The following FAM193A variants were observed in gnomAD, a reference collection of about 807,000 sequenced individuals.
FAM193A encodes the protein family with sequence similarity 193 member A, also known as protein FAM193A.
A neutral mutation model predicts 126.5 loss-of-function variants in FAM193A; 22 were observed. That is an observed-to-expected ratio of 0.17 (90% CI 0.12 to 0.25). The LOEUF (loss-of-function observed/expected upper bound fraction) is 0.25, where lower values mean the gene tolerates loss of function less well. FAM193A is among the 10% of genes least tolerant of loss of function. The pLI, the probability that FAM193A is intolerant of heterozygous loss-of-function variation, is 1.00. For missense variants in FAM193A, 1,675 were observed against 1,672.8 expected, an observed-to-expected ratio of 1.00 and a Z score of -0.02; for synonymous variants, 761 against 646.8, an observed-to-expected ratio of 1.18 and a Z score of -2.68.
chr4:2,717,902 C>A (rs766857785), intron 20 of FAM193A, among the ~76,000 whole-genome samples: 6 of 152,030 alleles, frequency 3.9e-5, no homozygotes, highest in Admixed American at 1.3e-4. Flanking sequence ...GATCCACCCC[C>A]CCTTGGCCTC....
At chr4:2,545,155 G>A (rs1371295301) in intron 1 of FAM193A, among the ~76,000 whole-genome samples, 1 of 152,130 alleles carries the variant, frequency 6.6e-6, no homozygotes, top group East Asian at 1.9e-4. Flanking sequence ...GCCATGCCCA[G>A]CTAATTTTCG....
chr4:2,665,122 C>T (rs879601564), intron 12 of FAM193A, among the ~76,000 whole-genome samples: 1 of 152,162 alleles, frequency 6.6e-6, no homozygotes, highest in Non-Finnish European at 1.5e-5. Context: ...TATGCTTTAT[C>T]TTTCCATTTA....
At chr4:2,634,631 A>G (rs754612580) in intron 5 of FAM193A, among the ~76,000 whole-genome samples, 11 of 152,232 alleles carry the variant, frequency 7.2e-5, no homozygotes, top group Non-Finnish European at 1.0e-4. Context: ...AAAAATATCA[A>G]AACTAGAAAC....
intron 13 of FAM193A, among the ~76,000 whole-genome samples, chr4:2,673,969 G>A (rs1157047239): frequency 6.6e-6 from 1 of 152,092 alleles, no homozygotes; most frequent in Non-Finnish European, 1.5e-5. Flanking sequence ...CTGTTCTCTT[G>A]ATACCTGTTA....
At chr4:2,721,370 C>G (rs1003913089) in intron 20 of FAM193A, among the ~76,000 whole-genome samples, 7 of 150,064 alleles carry the variant, frequency 4.7e-5, no homozygotes, top group Non-Finnish European at 1.0e-4. Context: ...TGCCTGTAGT[C>G]CCAGCTACTC....
At chr4:2,581,817 C>G (rs1388592611) in intron 1 of FAM193A, among the ~76,000 whole-genome samples, 1 of 151,754 alleles carries the variant, frequency 6.6e-6, no homozygotes, top group African/African-American at 2.4e-5. Context: ...CCATGCACGG[C>G]TAATTTTTTG....
intron 12 of FAM193A, among the ~76,000 whole-genome samples, chr4:2,670,180 A>G (rs892924867): frequency 2.6e-5 from 4 of 151,998 alleles, no homozygotes; most frequent in Non-Finnish European, 4.4e-5. Context: ...CTTCAAGTTC[A>G]CAGATGATTT....
chr4:2,630,831 T>G, intron 4 of FAM193A, 104 bp from the exon 5 acceptor site: 1 of 649,250 alleles, frequency 1.5e-6, no homozygotes, highest in South Asian at 1.8e-5. Flanking sequence ...TGTGGTCATC[T>G]AGAGGTGGCC....
chr4:2,664,547 CTATTTTCTTTCTTTT>C (rs1712868167), intron 12 of FAM193A, among the ~76,000 whole-genome samples: 1 of 117,604 alleles, frequency 8.5e-6, no homozygotes, highest in East Asian at 2.3e-4. Context: ...TTCTCTCTCT[CTATTTTCTTTCTTTT>C]TTTTTTTTTT....
At chr4:2,658,158 T>C (rs954219419) in intron 8 of FAM193A, among the ~76,000 whole-genome samples, 2 of 152,200 alleles carry the variant, frequency 1.3e-5, no homozygotes, top group Non-Finnish European at 2.9e-5. Context: ...GCAAAGGATA[T>C]TACCTGAGTC....
At position 2,578,654 on chromosome 4, in the gene FAM193A, A is replaced by G. The variant is rs111727642; in HGVS notation, c.256-17430A>G. On this transcript the variant is annotated intron_variant, in intron 1 of 20. Transcript: ENST00000637812. ...CGCTTATACCTTTCAACTCTCCAAAACCTTAACTACTAATAGCCTACTGTT... is the reference window on the plus strand; with the variant it reads ...CGCTTATACCTTTCAACTCTCCAAAGCCTTAACTACTAATAGCCTACTGTT... Among the ~76,000 whole-genome samples, 852 of 152,204 alleles carry G rather than the reference A, an allele frequency of 5.6e-3. 6 individuals carry two copies. The highest frequency in any genetic ancestry group is 0.019 in the African/African-American group (791 of 41,502).
intron 13 of FAM193A, among the ~76,000 whole-genome samples, chr4:2,679,586 T>G (rs979202867): frequency 6.6e-6 from 1 of 151,666 alleles, no homozygotes; most frequent in Non-Finnish European, 1.5e-5. Flanking sequence ...TACATGTTGG[T>G]CAGCTGGTCT....
At chr4:2,626,672 G>C (rs980613569) in intron 4 of FAM193A, 95 bp downstream of exon 4, 31 of 620,202 alleles carry the variant, frequency 5.0e-5, no homozygotes, top group African/African-American at 4.5e-4. Context: ...TTTCCTTACA[G>C]TGCTCAGCTG....
At chr4:2,644,465 A>G (rs1474541893) in intron 6 of FAM193A, among the ~76,000 whole-genome samples, 2 of 152,084 alleles carry the variant, frequency 1.3e-5, no homozygotes, top group Non-Finnish European at 2.9e-5. Context: ...GAGAAAAACT[A>G]CTTCACGGGC....
At chr4:2,656,727 G>A (rs1711729662) in intron 7 of FAM193A, among the ~76,000 whole-genome samples, 1 of 152,244 alleles carries the variant, frequency 6.6e-6, no homozygotes, top group South Asian at 2.1e-4. Flanking sequence ...CAGAAATCTG[G>A]ATTATTAGGT....
At chr4:2,705,924 G>A (rs1475263345) in intron 19 of FAM193A, among the ~76,000 whole-genome samples, 1 of 152,174 alleles carries the variant, frequency 6.6e-6, no homozygotes, top group Non-Finnish European at 1.5e-5. Context: ...CCTGGACCAG[G>A]TGTGAGGGTG....
chr4:2,597,579 C>T (rs1046729632), intron 2 of FAM193A, among the ~76,000 whole-genome samples: 2 of 152,096 alleles, frequency 1.3e-5, no homozygotes, highest in Non-Finnish European at 2.9e-5. Flanking sequence ...ATTTCCCAGC[C>T]CCCGGCTTGT....
intron 2 of FAM193A, among the ~76,000 whole-genome samples, chr4:2,602,070 C>T (rs1253480479): frequency 6.6e-6 from 1 of 152,176 alleles, no homozygotes; most frequent in African/African-American, 2.4e-5. Context: ...AACTCCTGAC[C>T]TCAAGTGATC....
At chr4:2,535,700 G>A (rs1040323359), upstream of FAM193A, among the ~76,000 whole-genome samples, 11 of 152,206 alleles carry the variant, frequency 7.2e-5, no homozygotes, top group Non-Finnish European at 1.3e-4. Flanking sequence ...GGTCTGACCC[G>A]GCTAGTCGTC....
Sources: gnomAD v4.1 joint callset for allele counts (sites outside exome capture counted in the v4.1 genomes callset) on GRCh38, gnomAD v4.1.1 for gene constraint, MANE v1.5 for transcripts, NCBI Gene and HGNC (gene_info 2026-07-23, HGNC 2026-07-21) for gene names.